Variants in GABRB2 observed in about 807,000 individuals in gnomAD.
The protein encoded by GABRB2 is gamma-aminobutyric acid type A receptor subunit beta2, also known as gamma-aminobutyric acid receptor subunit beta-2.
GABRB2 carries 16 observed loss-of-function variants against 54.7 expected under a neutral mutation model. The ratio of observed to expected loss-of-function variants is 0.29; its 90% confidence interval spans 0.20 to 0.44. The LOEUF (loss-of-function observed/expected upper bound fraction) is 0.44, where lower values mean the gene tolerates loss of function less well. Among genes scored for constraint, GABRB2 ranks in the 20% least tolerant of loss-of-function variants. The pLI, the probability that GABRB2 is intolerant of heterozygous loss-of-function variation, is 1.00. For missense variants in GABRB2, 355 were observed against 644.0 expected (o/e 0.55, Z 4.86); for synonymous variants, 244 against 233.8 (o/e 1.04, Z -0.40).
intron 5 of GABRB2, among the ~76,000 whole-genome samples, chr5:161,350,700 G>T (rs774124891): frequency 6.6e-6 from 1 of 152,050 alleles, no homozygotes; most frequent in Non-Finnish European, 1.5e-5. Context: ...ATCTGGGTGG[G>T]CACCATCTAA....
intron 4 of GABRB2, among the ~76,000 whole-genome samples, chr5:161,429,741 A>G (rs1757120573): frequency 6.6e-6 from 1 of 152,178 alleles, no homozygotes; most frequent in African/African-American, 2.4e-5. Flanking sequence ...ATTATAAGGG[A>G]TTTAAGTCTA....
chr5:161,407,964 C>A (rs1036541350), intron 5 of GABRB2, among the ~76,000 whole-genome samples: 18 of 151,998 alleles, frequency 1.2e-4, no homozygotes, highest in African/African-American at 4.3e-4. Context: ...TCGGTGTAGT[C>A]CATATTAACC....
intron 9 of GABRB2, among the ~76,000 whole-genome samples, chr5:161,300,495 T>C (rs1434081418): frequency 6.6e-6 from 1 of 152,220 alleles, no homozygotes; most frequent in African/African-American, 2.4e-5. Flanking sequence ...TAGAACATTT[T>C]AACAATTCTG....
intron 3 of GABRB2, among the ~76,000 whole-genome samples, chr5:161,470,071 G>GT (rs34680755): frequency 3.4e-4 from 50 of 147,950 alleles, no homozygotes; most frequent in East Asian, 6.0e-4. Flanking sequence ...TTCCTTTCAT[G>GT]TTTTTTTTTT....
At chr5:161,412,669 C>A (rs534458249) in intron 4 of GABRB2, among the ~76,000 whole-genome samples, 1 of 152,136 alleles carries the variant, frequency 6.6e-6, no homozygotes, top group African/African-American at 2.4e-5. Context: ...TATCATCTCA[C>A]TCCATGTCCT....
intron 4 of GABRB2, among the ~76,000 whole-genome samples, chr5:161,423,669 CACA>C (rs1421229984): frequency 2.0e-5 from 3 of 152,168 alleles, no homozygotes; most frequent in Middle Eastern, 3.4e-3. Flanking sequence ...TTCCCTGAGA[CACA>C]ACAATATTGA....
chr5:161,418,044 C>T (rs911909472), intron 4 of GABRB2, among the ~76,000 whole-genome samples: 3 of 152,098 alleles, frequency 2.0e-5, no homozygotes, highest in African/African-American at 7.2e-5. Context: ...CCTTCTGTGA[C>T]TCTTTCATTT....
intron 4 of GABRB2, among the ~76,000 whole-genome samples, chr5:161,448,895 C>A (rs1757711650): frequency 6.6e-6 from 1 of 152,036 alleles, no homozygotes; most frequent in South Asian, 2.1e-4. Context: ...AAGCAATGGG[C>A]CAGCCAGAAA....
At chr5:161,533,974 A>T in intron 3 of GABRB2, among the ~76,000 whole-genome samples, 1 of 152,192 alleles carries the variant, frequency 6.6e-6, no homozygotes, top group East Asian at 1.9e-4. Context: ...AGTGATAGGG[A>T]TATAGATAAT....
chr5:161,530,809 C>T (rs555483732), intron 3 of GABRB2, among the ~76,000 whole-genome samples: 1 of 152,212 alleles, frequency 6.6e-6, no homozygotes, highest in Non-Finnish European at 1.5e-5. Flanking sequence ...GCTACACATG[C>T]ATACTAATAG....
chr5:161,504,784 C>A, intron 3 of GABRB2, among the ~76,000 whole-genome samples: 1 of 148,396 alleles, frequency 6.7e-6, no homozygotes. Context: ...CACCACAGAT[C>A]CGAAAGGAAT....
At chr5:161,326,838 C>A in intron 8 of GABRB2, 2 of 272,670 alleles carry the variant, frequency 7.3e-6, no homozygotes, top group Non-Finnish European at 1.1e-5. Flanking sequence ...AAACTGTTGG[C>A]TGCAGGTGCA....
chr5:161,528,296 C>A (rs1340908317), intron 3 of GABRB2, among the ~76,000 whole-genome samples: 1 of 151,630 alleles, frequency 6.6e-6, no homozygotes, highest in Non-Finnish European at 1.5e-5. Context: ...GGTGATGACA[C>A]TGAGATCTTC....
chr5:161,406,028 T>G (rs2113098157), intron 5 of GABRB2, among the ~76,000 whole-genome samples: 1 of 152,214 alleles, frequency 6.6e-6, no homozygotes, highest in Non-Finnish European at 1.5e-5. Context: ...GAAGAGATGC[T>G]TGTACCAAAA....
intron 5 of GABRB2, among the ~76,000 whole-genome samples, chr5:161,388,572 A>G (rs1580941471): frequency 6.6e-6 from 1 of 152,142 alleles, no homozygotes; most frequent in East Asian, 1.9e-4. Flanking sequence ...ATAATTCTTA[A>G]TGCCTTTTAT....
At chr5:161,323,135 T>C (rs1319731226) in intron 9 of GABRB2, among the ~76,000 whole-genome samples, 1 of 151,740 alleles carries the variant, frequency 6.6e-6, no homozygotes. Context: ...AGCATTCTCC[T>C]GCCTCAGACT....
chr5:161,361,879 G>C (rs1439738581), intron 5 of GABRB2, among the ~76,000 whole-genome samples: 7 of 152,028 alleles, frequency 4.6e-5, no homozygotes, highest in African/African-American at 1.7e-4. Flanking sequence ...GTATTGCCTA[G>C]GTTTTCTACT....
intron 4 of GABRB2, among the ~76,000 whole-genome samples, chr5:161,443,471 G>T (rs1757523168): frequency 3.3e-5 from 5 of 152,138 alleles, no homozygotes; most frequent in Admixed American, 3.3e-4. Flanking sequence ...AGATGCGTGA[G>T]ATTTTCACAA....
At chr5:161,484,309 T>C (rs560529731) in intron 3 of GABRB2, among the ~76,000 whole-genome samples, 1 of 151,942 alleles carries the variant, frequency 6.6e-6, no homozygotes, top group Non-Finnish European at 1.5e-5. Context: ...TAAAAAGAAG[T>C]CATCAACTTG....
Sources: allele counts gnomAD v4.1 joint callset (sites outside exome capture counted in the v4.1 genomes callset), GRCh38; gene constraint gnomAD v4.1.1; transcripts MANE v1.5; gene names NCBI Gene and HGNC (gene_info 2026-07-23, HGNC 2026-07-21).